Variants in ACAP3 observed in about 807,000 individuals in gnomAD.
The protein encoded by ACAP3 is arf-GAP with coiled-coil, ANK repeat and PH domain-containing protein 3.
Under a neutral mutation model 104.1 loss-of-function variants are expected in ACAP3, and 56 were observed. The observed-to-expected ratio is 0.54, with a 90% CI of 0.43 to 0.67. The LOEUF (loss-of-function observed/expected upper bound fraction) is 0.67, where lower values mean the gene tolerates loss of function less well. Among genes scored for constraint, ACAP3 ranks in the 30% least tolerant of loss-of-function variants. ACAP3 has a pLI of 0.00. For synonymous variants in ACAP3, 628 were observed against 496.2 expected (o/e 1.27, Z -3.53); for missense variants, 1,208 against 1,174.9 (o/e 1.03, Z -0.41).
In ACAP3 at chr1:1,293,522, C is replaced by T. The variant is rs1288051561; in HGVS notation, c.*42G>A. ...GCCAGGGACTTCGGGGCATGCGGGG[C>T]GTCGGGCCGGGCGGGGTGGCAGCTG... is the stretch of plus-strand genomic sequence containing the variant. On this transcript the variant is annotated 3_prime_UTR_variant, in exon 24 of 24. Transcript: ENST00000354700. 2.0e-5 allele frequency: 28 copies of T among 1,400,960 alleles called. No individual in the cohort carries two copies. In the South Asian group the frequency reaches 2.1e-4, roughly 11 times the overall value. The allele number at this position is 1,400,960 out of a possible 1,614,324, so 86.8% of individuals were successfully genotyped here.
At chr1:1,304,457 C>A (rs775772435) in intron 1 of ACAP3, 5 of 500,272 alleles carry the variant, frequency 1.0e-5, no homozygotes, top group Non-Finnish European at 1.8e-5. Context: ...GCTGAGCCAG[C>A]CTCACCCGCC....
At position 1,303,033 on chromosome 1, in the gene ACAP3, G is replaced by A. The variant is rs530779444; in HGVS notation, c.226-58C>T. 1.3e-6 allele frequency: 2 copies of A among 1,572,758 alleles called. No homozygotes were observed. Among genetic ancestry groups the A allele is most frequent in the East Asian group, 4.7e-5 (2 of 42,728 alleles). ...GGCAAATCCGGGCCCAGGTCACCCA[G>A]CCACGCCCTCTGAGCCCCTGGGCGG... On this transcript the variant is annotated intron_variant, in intron 3 of 23. Transcript: ENST00000354700. This position sits in a 1 kb window ranked among gnomAD's most constrained non-coding sequence, Gnocchi z 4.0.
chr1:1,294,162 C>G lies in ACAP3; in HGVS notation c.2177G>C (p.Gly726Ala). 6.3e-7 allele frequency: 1 copy of G among 1,597,388 alleles called. No individual in the cohort carries two copies. Among genetic ancestry groups the G allele is most frequent in the Non-Finnish European group, 8.5e-7 (1 of 1,172,388 alleles). ...GCTGTCTCTTTGGTTCACGTCCGCT[C>G]CGTTTTGCAGCAGGAACTCACAGAC... ...LIVCEFLLQN[G>A]ADVNQRDSRG... Residue 726 changes from glycine (G) to alanine (A), a missense_variant, in exon 22 of 24, where the codon GGA (glycine) becomes GCA (alanine). Coordinates refer to ENST00000354700, the MANE Select transcript of ACAP3 (RefSeq NM_030649.3).
rs770729067 is a variant in ACAP3 at position 1,300,149 on chromosome 1, C to T, written c.567+9G>A. The T allele has an allele frequency of 1.3e-5, 21 of 1,609,888 alleles. No individual in the cohort carries two copies. Among genetic ancestry groups the T allele is most frequent in the African/African-American group, 2.7e-5 (2 of 74,874 alleles). ...AGCCTGTGCTCAGGGGCAGCCCCCACGCACTCACAGAGTCCAGGATCTCAA... is the reference window on the plus strand; with the variant it reads ...AGCCTGTGCTCAGGGGCAGCCCCCATGCACTCACAGAGTCCAGGATCTCAA... On this transcript the variant is annotated intron_variant, in intron 7 of 23. Transcript: ENST00000354700.
intron 1 of ACAP3, chr1:1,304,358 G>C (rs1215901182): frequency 1.7e-6 from 1 of 589,242 alleles, no homozygotes. Flanking sequence ...AGAGGCAGCC[G>C]CTGCTGTGCC....
intron 4 of ACAP3, 53 bp downstream of exon 4, chr1:1,302,869 A>C: frequency 6.6e-7 from 1 of 1,512,444 alleles, no homozygotes; most frequent in Non-Finnish European, 8.9e-7. Context: ...GAGCCAGCGC[A>C]GCTCGGTTCC....
In ACAP3 at chr1:1,294,104, C is replaced by G; in HGVS notation, c.2235G>C (p.Leu745=). The part of the protein sequence containing the change: ...RGRAPLHHAT[L]LGRTGQVCLF... Reference sequence around the variant, plus strand: ...GCGCGTCTCACCCGGTGCGGCCCAGCAGCGTGGCGTGGTGCAGGGGCGCCC... The same window carrying G: ...GCGCGTCTCACCCGGTGCGGCCCAGGAGCGTGGCGTGGTGCAGGGGCGCCC... Residue 745 remains leucine, a synonymous_variant, in exon 22 of 24, where the codon CTG becomes CTC. Transcript: ENST00000354700. 1 of 1,579,450 alleles carries G rather than the reference C, an allele frequency of 6.3e-7. No individual in the cohort carries two copies. The highest frequency in any genetic ancestry group is 1.1e-5 in the South Asian group (1 of 87,250).
intron 14 of ACAP3, 134 bp from the exon 15 acceptor site, chr1:1,296,767 A>C (rs1570638191): frequency 4.4e-6 from 4 of 912,736 alleles, no homozygotes; most frequent in South Asian, 1.6e-5. Context: ...ACGCACGTAC[A>C]CGCGCACACC....
chr1:1,293,609 G>A lies in ACAP3; in HGVS notation c.2460C>T (p.Arg820=). ...LAGSPTELQF[R]RCIQEFISLH... is the part of the protein sequence containing the mutation. The stretch of plus-strand genomic sequence containing the variant: ...GGCTGATGAACTCCTGGATACACCT[G>A]CGGAACTGGAGCTCCGTGGGGCTGC... Residue 820 remains arginine (R), a synonymous_variant, in exon 24 of 24, where the codon CGC becomes CGT. Coordinates refer to ENST00000354700, the MANE Select transcript of ACAP3 (RefSeq NM_030649.3). 2 of 1,496,156 alleles carry A rather than the reference G, an allele frequency of 1.3e-6. No individual in the cohort carries two copies. Among genetic ancestry groups the A allele is most frequent in the Non-Finnish European group, 8.9e-7 (1 of 1,127,854 alleles). 92.7% of individuals were successfully genotyped at this position (1,496,156 alleles called of 1,614,324 possible). A position where few individuals can be genotyped will look rare whatever the true frequency, so the allele number is the denominator to read the frequency against.
At position 1,300,072 on chromosome 1, in the gene ACAP3, C is replaced by CG; in HGVS notation, c.568-5dup. 1.2e-6 allele frequency: 2 copies of CG among 1,612,096 alleles called. No homozygotes were observed. The highest frequency in any genetic ancestry group is 1.7e-6 in the Non-Finnish European group (2 of 1,179,572). ...GGGCGTGCATGAAGGACAGCATCTGCGGGGGCAGCACAGGTGAGGCCCAAG... is the reference window on the plus strand; with the variant it reads ...GGGCGTGCATGAAGGACAGCATCTGCGGGGGGCAGCACAGGTGAGGCCCAAG... On this transcript the variant is annotated splice_region_variant and splice_polypyrimidine_tract_variant and intron_variant, in intron 7 of 23. Coordinates refer to ENST00000354700, the MANE Select transcript of ACAP3 (RefSeq NM_030649.3).
rs899689715 is a variant in ACAP3, at chr1:1,293,449, G to C, written c.*115C>G. 1 of 1,124,786 alleles carries C rather than the reference G, an allele frequency of 8.9e-7. No homozygotes were observed. The highest frequency in any genetic ancestry group is 1.7e-5 in the African/African-American group (1 of 59,378). The allele number at this position is 1,124,786 out of a possible 1,614,324, so 69.7% of individuals were successfully genotyped here. ...GCCGCGGCGCCCCAGCACTGGGGCT[G>C]CCAGGTATCGACCCGCGGGTCACAC... On this transcript the variant is annotated 3_prime_UTR_variant, in exon 24 of 24. Coordinates refer to ENST00000354700, the MANE Select transcript of ACAP3 (RefSeq NM_030649.3).
At chr1:1,298,491 C>T (rs1641298068) in intron 11 of ACAP3, 70 bp from the exon 12 acceptor site, 2 of 1,519,140 alleles carry the variant, frequency 1.3e-6, no homozygotes, top group South Asian at 2.5e-5. Context: ...CCTGCCCCCA[C>T]CTGAGGACCC....
chr1:1,298,812 C>T (rs1222319392), intron 10 of ACAP3, 133 bp from the exon 11 acceptor site: 28 of 689,426 alleles, frequency 4.1e-5, no homozygotes, highest in Admixed American at 7.9e-5. Flanking sequence ...CACGCTCAGA[C>T]GAGAGACCCT....
At chr1:1,305,117 T>TG (rs958209111) in intron 1 of ACAP3, 10 of 152,536 alleles carry the variant, frequency 6.6e-5, no homozygotes, top group South Asian at 6.2e-4. Context: ...GTGGTTTACA[T>TG]GGGGCGTGTC....
intron 4 of ACAP3, among the ~76,000 whole-genome samples, chr1:1,302,540 G>A (rs756619118): frequency 7.2e-5 from 11 of 152,162 alleles, no homozygotes; most frequent in South Asian, 2.1e-4. Context: ...TTCAGTCTGC[G>A]GCTCAGGTTC....
intron 10 of ACAP3, 59 bp downstream of exon 10, chr1:1,299,286 G>A: frequency 6.4e-7 from 1 of 1,570,662 alleles, no homozygotes; most frequent in Admixed American, 1.8e-5. Context: ...GGAGGGAAAG[G>A]CACCGCCCCA....
chr1:1,294,209 C>T lies in ACAP3; in HGVS notation c.2140-10G>A, dbSNP rs370598677. The T allele has an allele frequency of 7.9e-5, 125 of 1,573,190 alleles. 1 individual carries two copies. The African/African-American group carries it at 1.1e-3, about 14-fold the overall frequency. ...AGACGATCAAGGAGCCCTGGGGAGC[C>T]GGGGCAACTCAGACGGAGCCACGGC... On this transcript the variant is annotated splice_polypyrimidine_tract_variant and intron_variant, in intron 21 of 23. Transcript: ENST00000354700.
intron 5 of ACAP3, 98 bp downstream of exon 5, chr1:1,301,890 T>G (rs190014045): frequency 3.0e-5 from 37 of 1,219,492 alleles, no homozygotes; most frequent in Non-Finnish European, 4.0e-5. Context: ...CCTGGAGGCC[T>G]GGGCCCAAGG....
intron 9 of ACAP3, chr1:1,299,596 G>A: frequency 4.3e-6 from 3 of 699,756 alleles, no homozygotes. Flanking sequence ...GCCAGTGACT[G>A]AGGCCACAGA....
Sources: allele counts gnomAD v4.1 joint callset (sites outside exome capture counted in the v4.1 genomes callset), GRCh38; gene constraint gnomAD v4.1.1; non-coding constraint Gnocchi (gnomAD v3.1); transcripts MANE v1.5; gene names NCBI Gene and HGNC (gene_info 2026-07-23, HGNC 2026-07-21).